LRRC37A2: variants seen among roughly 807,000 people sequenced by gnomAD.
LRRC37A2 encodes the protein leucine rich repeat containing 37 member A2, also known as leucine-rich repeat-containing protein 37A2.
A neutral mutation model predicts 68.8 loss-of-function variants in LRRC37A2; 9 were observed. That is an observed-to-expected ratio of 0.13 (90% CI 0.08 to 0.23). The LOEUF (loss-of-function observed/expected upper bound fraction) is 0.23, where lower values mean the gene tolerates loss of function less well. Ranked by LOEUF, LRRC37A2 falls within the 10% of genes least tolerant of loss-of-function variation. The pLI is 1.00. For missense variants in LRRC37A2, 168 were observed against 950.4 expected, an observed-to-expected ratio of 0.18 and a Z score of 10.82; for synonymous variants, 63 against 367.6, an observed-to-expected ratio of 0.17 and a Z score of 9.48.
chr17:46,830,685 C>A, the LRRC37A2 span: 2 of 398,470 alleles, frequency 5.0e-6, no homozygotes, highest in Non-Finnish European at 4.4e-6. Context: ...AAAGGTTGGA[C>A]TTTTGGGAGC....
the LRRC37A2 span, among the ~76,000 whole-genome samples, chr17:46,796,084 G>A: frequency 3.9e-5 from 6 of 152,184 alleles, no homozygotes; most frequent in African/African-American, 9.7e-5. Context: ...CACCCTCCAC[G>A]CCTGCAGGCC....
At chr17:47,013,549 C>A in the LRRC37A2 span, among the ~76,000 whole-genome samples, 1 of 152,142 alleles carries the variant, frequency 6.6e-6, no homozygotes, top group African/African-American at 2.4e-5. Context: ...AGCCACATTC[C>A]CTAGAGTCGT....
the LRRC37A2 span, among the ~76,000 whole-genome samples, chr17:46,977,758 G>A: frequency 1.3e-5 from 2 of 152,216 alleles, no homozygotes; most frequent in Non-Finnish European, 2.9e-5. Context: ...GCCCTTAGAA[G>A]GGGCTTTGGC....
At chr17:46,992,354 C>G in the LRRC37A2 span, among the ~76,000 whole-genome samples, 4 of 151,098 alleles carry the variant, frequency 2.6e-5, no homozygotes, top group African/African-American at 4.9e-5. Context: ...GGCAACAGAG[C>G]AAGACTCCGT....
chr17:46,851,601 C>A, the LRRC37A2 span: 5 of 1,187,374 alleles, frequency 4.2e-6, no homozygotes, highest in South Asian at 3.2e-5. This position sits in a 1 kb window ranked among gnomAD's most constrained non-coding sequence, Gnocchi z 4.3. Flanking sequence ...GCTTGAGCGG[C>A]GCGAGGAGAT....
At chr17:46,938,797 G>A in the LRRC37A2 span, 1 of 1,612,916 alleles carries the variant, frequency 6.2e-7, no homozygotes, top group East Asian at 2.2e-5. Context: ...CATTCCCACA[G>A]CCTGCAAGTG....
chr17:46,721,432 T>C, the LRRC37A2 span: 1 of 609,786 alleles, frequency 1.6e-6, no homozygotes, highest in Admixed American at 2.9e-5. Context: ...TAGCCTTCTC[T>C]TTCAGACTTC....
At chr17:47,024,856 C>T in the LRRC37A2 span, 23 of 605,170 alleles carry the variant, frequency 3.8e-5, no homozygotes, top group Admixed American at 1.7e-4. Context: ...CAATAAAATT[C>T]TGCAATTCTG....
chr17:46,933,906 C>T, the LRRC37A2 span, among the ~76,000 whole-genome samples: 1 of 150,656 alleles, frequency 6.6e-6, no homozygotes, highest in Non-Finnish European at 1.5e-5. Context: ...GTCAAGGCTG[C>T]TCTCTATCCT....
At chr17:46,779,053 T>TCTCACA in the LRRC37A2 span, among the ~76,000 whole-genome samples, 14 of 100,612 alleles carry the variant, frequency 1.4e-4, no homozygotes, top group African/African-American at 4.5e-4. Context: ...CCCTACCCCA[T>TCTCACA]CACACACACA....
the LRRC37A2 span, among the ~76,000 whole-genome samples, chr17:46,724,287 A>C: frequency 6.6e-6 from 1 of 152,234 alleles, no homozygotes; most frequent in South Asian, 2.1e-4. Context: ...GGACAACCCG[A>C]AAATCTCAGT....
At chr17:46,858,319 G>A in the LRRC37A2 span, among the ~76,000 whole-genome samples, 3 of 152,038 alleles carry the variant, frequency 2.0e-5, no homozygotes, top group Non-Finnish European at 4.4e-5. Flanking sequence ...TTTTCTTATT[G>A]ATGTCTTATG....
the LRRC37A2 span, among the ~76,000 whole-genome samples, chr17:46,877,304 C>T: frequency 6.6e-6 from 1 of 152,254 alleles, no homozygotes; most frequent in Non-Finnish European, 1.5e-5. Flanking sequence ...GCCATCCGTT[C>T]AGAGAAAGGA....
the LRRC37A2 span, among the ~76,000 whole-genome samples, chr17:46,788,456 T>C: frequency 6.6e-6 from 1 of 152,118 alleles, no homozygotes; most frequent in East Asian, 1.9e-4. Context: ...CCAGTTCTGG[T>C]AAAAGACAAG....
At chr17:46,775,633 A>C in the LRRC37A2 span, among the ~76,000 whole-genome samples, 1 of 98,702 alleles carries the variant, frequency 1.0e-5, no homozygotes, top group Non-Finnish European at 1.8e-5. Context: ...TTTTTTTTTG[A>C]GACAGAGTCT....
At chr17:46,795,851 CTCTCTG>C in the LRRC37A2 span, among the ~76,000 whole-genome samples, 12 of 152,206 alleles carry the variant, frequency 7.9e-5, no homozygotes, top group African/African-American at 2.2e-4. Flanking sequence ...CTCTCTGTCT[CTCTCTG>C]TCTCTGTCTC....
the LRRC37A2 span, among the ~76,000 whole-genome samples, chr17:47,025,154 A>G: frequency 6.6e-6 from 1 of 152,244 alleles, no homozygotes; most frequent in African/African-American, 2.4e-5. Context: ...GAAAAAGAAA[A>G]GAAACAAAGA....
the LRRC37A2 span, chr17:46,932,207 A>G: frequency 6.2e-7 from 1 of 1,613,980 alleles, no homozygotes; most frequent in Non-Finnish European, 8.5e-7. Flanking sequence ...AACGTAAGCC[A>G]GGCCCGTGGT....
the LRRC37A2 span, among the ~76,000 whole-genome samples, chr17:46,805,965 C>T: frequency 6.6e-6 from 1 of 152,166 alleles, no homozygotes; most frequent in Non-Finnish European, 1.5e-5. Context: ...GGAATGGTGC[C>T]TCAGGGCCTC....
Sources: gnomAD v4.1 joint callset for allele counts (sites outside exome capture counted in the v4.1 genomes callset) on GRCh38, gnomAD v4.1.1 for gene constraint, Gnocchi (gnomAD v3.1) non-coding constraint, MANE v1.5 for transcripts, NCBI Gene and HGNC (gene_info 2026-07-23, HGNC 2026-07-21) for gene names.